Variants in FLYWCH2 observed in about 807,000 individuals in gnomAD.
FLYWCH2 encodes FLYWCH family member 2.
FLYWCH2 carries 2 observed loss-of-function variants against 6.0 expected under a neutral mutation model. The observed-to-expected ratio is 0.33, with a 90% CI of 0.14 to 1.04. The LOEUF (loss-of-function observed/expected upper bound fraction) is 1.04. Ranked by LOEUF, FLYWCH2 falls within the 50% of genes least tolerant of loss-of-function variation. The probability of loss-of-function intolerance (pLI) is 0.45; values close to 1 mark genes in which losing one functional copy is unlikely to be tolerated. For missense variants in FLYWCH2, 192 were observed against 183.4 expected (o/e 1.05, Z -0.27); for synonymous variants, 87 against 79.3 (o/e 1.10, Z -0.52).
intron 1 of FLYWCH2, among the ~76,000 whole-genome samples, chr16:2,888,078 G>T (rs909103199): frequency 1.3e-5 from 2 of 151,856 alleles, no homozygotes; most frequent in Admixed American, 6.6e-5. Context: ...GCGTGATCTC[G>T]GCTCACTGCA....
rs369626075 is a variant in FLYWCH2 at position 2,899,096 on chromosome 16, G to A, written c.370G>A (p.Ala124Thr). The A allele has an allele frequency of 2.5e-6, 4 of 1,613,596 alleles. No homozygotes were observed. The highest frequency in any genetic ancestry group is 1.1e-5 in the South Asian group (1 of 91,040). The change falls in exon 4 of 4, where the codon GCT becomes ACT. Residue 124 changes from alanine (A) to threonine (T), a missense_variant. By Grantham distance (58) the Ala-to-Thr change is moderately conservative. Coordinates refer to ENST00000396958, the MANE Select transcript of FLYWCH2 (RefSeq NM_138439.3). ...DSGLAAGPPEAAGENFAPCSV... is the reference protein window; with the variant it reads ...DSGLAAGPPETAGENFAPCSV... ...TGGATTAGCAGCGGGGCCTCCTGAG[G>A]CTGCTGGGGAGAACTTTGCCCCCTG...
chr16:2,898,464 A>T (rs2069847277), intron 3 of FLYWCH2, among the ~76,000 whole-genome samples: 1 of 152,072 alleles, frequency 6.6e-6, no homozygotes, highest in African/African-American at 2.4e-5. Flanking sequence ...CGAAGTCGCC[A>T]CTCTGAGGCC....
chr16:2,883,435 C>G (rs1250887725), intron 1 of FLYWCH2, 69 bp downstream of exon 1: 1 of 152,412 alleles, frequency 6.6e-6, no homozygotes, highest in Non-Finnish European at 1.5e-5. Context: ...CGGCCCGGCT[C>G]TCTCGGGGGT....
intron 1 of FLYWCH2, among the ~76,000 whole-genome samples, chr16:2,889,551 T>TA (rs57270684): frequency 1.0e-4 from 15 of 149,576 alleles, no homozygotes; most frequent in South Asian, 4.2e-4. Context: ...AAGACTATAT[T>TA]AAAAAAAAAA....
chr16:2,897,506 A>G (rs2069836909), intron 3 of FLYWCH2, among the ~76,000 whole-genome samples: 1 of 152,128 alleles, frequency 6.6e-6, no homozygotes, highest in Non-Finnish European at 1.5e-5. Flanking sequence ...GGCACTGAGC[A>G]TCTTCAGTCC....
intron 1 of FLYWCH2, among the ~76,000 whole-genome samples, chr16:2,885,350 C>T (rs2069687499): frequency 1.3e-5 from 2 of 151,250 alleles, no homozygotes; most frequent in African/African-American, 2.4e-5. Context: ...AAAAAATATA[C>T]AGTTCAGTGG....
intron 1 of FLYWCH2, among the ~76,000 whole-genome samples, chr16:2,885,908 C>T (rs111536075): frequency 2.6e-5 from 4 of 152,192 alleles, no homozygotes; most frequent in Non-Finnish European, 4.4e-5. Flanking sequence ...AACTGCCAGG[C>T]TGGTTTCCAA....
At chr16:2,886,404 C>G (rs2069698794) in intron 1 of FLYWCH2, among the ~76,000 whole-genome samples, 1 of 150,174 alleles carries the variant, frequency 6.7e-6, no homozygotes, top group Non-Finnish European at 1.5e-5. Flanking sequence ...GACAGGGTTT[C>G]ACTATGTTGT....
rs2150853299 is a variant in FLYWCH2 at position 2,899,242 on chromosome 16, G to T, written c.*93G>T. 6.4e-5 allele frequency: 41 copies of T among 638,118 alleles called. No individual in the cohort carries two copies. The highest frequency in any genetic ancestry group is 3.4e-4 in the South Asian group (12 of 35,710). 39.5% of individuals were successfully genotyped at this position (638,118 alleles called of 1,614,324 possible). On this transcript the variant is annotated 3_prime_UTR_variant, in exon 4 of 4. Transcript: ENST00000396958. ...TCTGGGGCCAAATGGGTGAATCTTT[G>T]CTTTTAACATTGTGTGATTTCTTTT...
intron 1 of FLYWCH2, among the ~76,000 whole-genome samples, chr16:2,890,165 G>A (rs1203987187): frequency 6.6e-6 from 1 of 150,762 alleles, no homozygotes; most frequent in Non-Finnish European, 1.5e-5. Context: ...TGTGTTCGGA[G>A]GTGTAATCTG....
intron 1 of FLYWCH2, among the ~76,000 whole-genome samples, chr16:2,888,400 G>A (rs1176356139): frequency 8.2e-6 from 1 of 121,438 alleles, no homozygotes; most frequent in African/African-American, 3.1e-5. Context: ...AGTCCTGCAA[G>A]TTTTTTTTTT....
intron 3 of FLYWCH2, among the ~76,000 whole-genome samples, chr16:2,898,193 C>A (rs1224294662): frequency 6.6e-6 from 1 of 152,198 alleles, no homozygotes; most frequent in African/African-American, 2.4e-5. Context: ...TCCGCAGCCA[C>A]AGGCTTGGAG....
chr16:2,892,064 C>T (rs113239341), intron 1 of FLYWCH2, among the ~76,000 whole-genome samples: 8 of 151,172 alleles, frequency 5.3e-5, no homozygotes, highest in South Asian at 2.1e-4. Flanking sequence ...TAGTGGCCGG[C>T]GCTTGTAATC....
chr16:2,899,270 T>TC lies in FLYWCH2; in HGVS notation c.*121_*122insC. 3.1e-6 allele frequency: 1 copy of TC among 325,482 alleles called. No homozygotes were observed. The highest frequency in any genetic ancestry group is 5.2e-6 in the Non-Finnish European group (1 of 190,484). The allele number at this position is 325,482 out of a possible 1,614,324, so 20.2% of individuals were successfully genotyped here. ...TTTAACATTGTGTGATTTCTTTTCT[T>TC]TTTTTTTTTTTTTTTAGATCAAGTA... On this transcript the variant is annotated 3_prime_UTR_variant, in exon 4 of 4. Coordinates refer to ENST00000396958, the MANE Select transcript of FLYWCH2 (RefSeq NM_138439.3).
intron 1 of FLYWCH2, among the ~76,000 whole-genome samples, chr16:2,893,382 G>C (rs1016571354): frequency 1.3e-5 from 2 of 152,112 alleles, no homozygotes; most frequent in African/African-American, 2.4e-5. Context: ...CATCATTTTG[G>C]AGATTCCAGG....
chr16:2,896,515 C>A lies in FLYWCH2; in HGVS notation c.66C>A (p.Pro22=). The change falls in exon 3 of 4, where the codon CCC becomes CCA. Residue 22 remains proline, a synonymous_variant. Transcript: ENST00000396958. The stretch of plus-strand genomic sequence containing the variant: ...TGAAGGCCAGCCAGGAGCCATCCCC[C>A]AAGCCAGGCACAGAAGTCATCCCGG... ...ESVKASQEPS[P]KPGTEVIPAA... The A allele has an allele frequency of 6.2e-7, 1 of 1,614,094 alleles. No homozygotes were observed. Among genetic ancestry groups the A allele is most frequent in the Non-Finnish European group, 8.5e-7 (1 of 1,179,964 alleles).
intron 1 of FLYWCH2, among the ~76,000 whole-genome samples, chr16:2,894,401 A>C (rs1397930799): frequency 6.6e-6 from 1 of 152,034 alleles, no homozygotes; most frequent in East Asian, 1.9e-4. Flanking sequence ...CATGCTGCGG[A>C]GTGTGGGAGG....
At position 2,896,367 on chromosome 16, in the gene FLYWCH2, C is replaced by G; in HGVS notation, c.-83C>G. 1 of 1,484,434 alleles carries G rather than the reference C, an allele frequency of 6.7e-7. No individual in the cohort carries two copies. Among genetic ancestry groups the G allele is most frequent in the Non-Finnish European group, 8.9e-7 (1 of 1,119,732 alleles). 92.0% of individuals were successfully genotyped at this position (1,484,434 alleles called of 1,614,324 possible). A position where few individuals can be genotyped will look rare whatever the true frequency, so the allele number is the denominator to read the frequency against. ...CCTTCCTTAGGACGGAACCGCTGGA[C>G]TCCAGGTTCCTTGCCTGGGAGTAGG... On this transcript the variant is annotated 5_prime_UTR_variant, in exon 3 of 4. Coordinates refer to ENST00000396958, the MANE Select transcript of FLYWCH2 (RefSeq NM_138439.3).
At chr16:2,890,239 T>TTG (rs2069741317) in intron 1 of FLYWCH2, among the ~76,000 whole-genome samples, 1 of 147,632 alleles carries the variant, frequency 6.8e-6, no homozygotes, top group African/African-American at 2.5e-5. Flanking sequence ...TTTTTTTTTT[T>TTG]TTGTTTTTGT....
Sources: allele counts gnomAD v4.1 joint callset (sites outside exome capture counted in the v4.1 genomes callset), GRCh38; gene constraint gnomAD v4.1.1; transcripts MANE v1.5; gene names NCBI Gene and HGNC (gene_info 2026-07-23, HGNC 2026-07-21).